The following PTK2B variants were observed in gnomAD, a reference collection of about 807,000 sequenced individuals.
PTK2B encodes protein tyrosine kinase 2 beta.
A neutral mutation model predicts 142.9 loss-of-function variants in PTK2B; 71 were observed. The observed-to-expected ratio is 0.50, with a 90% CI of 0.41 to 0.61. PTK2B has a LOEUF of 0.61. PTK2B is among the 20% of genes least tolerant of loss of function. PTK2B has a pLI of 0.00. For missense variants in PTK2B, 1,105 were observed against 1,320.4 expected (o/e 0.84, Z 2.53); for synonymous variants, 519 against 503.4 (o/e 1.03, Z -0.42).
chr8:27,390,931 A>G (rs1807679703), intron 1 of PTK2B, among the ~76,000 whole-genome samples: 1 of 152,148 alleles, frequency 6.6e-6, no homozygotes, highest in African/African-American at 2.4e-5. Flanking sequence ...CACTCACGTA[A>G]TGGCCCAGTT....
intron 1 of PTK2B, among the ~76,000 whole-genome samples, chr8:27,350,277 C>G (rs867525107): frequency 5.9e-5 from 9 of 152,250 alleles, no homozygotes; most frequent in Middle Eastern, 3.4e-3. Context: ...AGTCAAACAG[C>G]AGAGGGACAA....
At chr8:27,387,188 T>G (rs942829460) in intron 1 of PTK2B, among the ~76,000 whole-genome samples, 1 of 152,050 alleles carries the variant, frequency 6.6e-6, no homozygotes, top group Non-Finnish European at 1.5e-5. Flanking sequence ...TGGACTGTGT[T>G]TGTTGGGGTA....
chr8:27,365,299 T>C (rs1805954872), intron 1 of PTK2B, among the ~76,000 whole-genome samples: 1 of 152,232 alleles, frequency 6.6e-6, no homozygotes, highest in African/African-American at 2.4e-5. Context: ...CTCTCTCTCG[T>C]CTGCCAACCT....
intron 3 of PTK2B, among the ~76,000 whole-genome samples, chr8:27,313,834 C>T (rs917349806): frequency 6.6e-6 from 1 of 152,226 alleles, no homozygotes; most frequent in Admixed American, 6.5e-5. Flanking sequence ...TTGCCTATGC[C>T]TGGCACCTGC....
At chr8:27,368,808 G>A (rs957387801) in intron 1 of PTK2B, among the ~76,000 whole-genome samples, 2 of 152,276 alleles carry the variant, frequency 1.3e-5, no homozygotes, top group Non-Finnish European at 2.9e-5. Flanking sequence ...CTGGAGTGAC[G>A]GCAGGGCCAC....
chr8:27,388,125 T>G (rs766120255), intron 1 of PTK2B, among the ~76,000 whole-genome samples: 35 of 152,214 alleles, frequency 2.3e-4, no homozygotes, highest in Non-Finnish European at 1.6e-4. Context: ...CAACTAGGAA[T>G]TCACCTGCTA....
chr8:27,446,006 T>G, intron 24 of PTK2B, 87 bp downstream of exon 24: 2 of 1,562,806 alleles, frequency 1.3e-6, no homozygotes, highest in Non-Finnish European at 1.7e-6. Flanking sequence ...CCCCACGTCC[T>G]CAGCTCAGGA....
Position 27,327,335 on chromosome 8 carries a change from G to A in PTK2B, c.-38+1654G>A, listed in dbSNP as rs919170456. ...CTGGAGCCAGGCAGGAGACTTCCCA[G>A]CAGGAAGAGATTGCCAGATTTAGCC... On this transcript the variant is annotated intron_variant, in intron 1 of 30. Coordinates refer to ENST00000346049, the MANE Select transcript of PTK2B (RefSeq NM_173176.3). 2.6e-5 allele frequency among the ~76,000 whole-genome samples: 4 copies of A among 152,152 alleles called. No homozygotes were observed. In the East Asian group the frequency reaches 7.7e-4, roughly 29 times the overall value.
At chr8:27,379,218 T>C (rs1323999982) in intron 1 of PTK2B, among the ~76,000 whole-genome samples, 3 of 152,196 alleles carry the variant, frequency 2.0e-5, no homozygotes, top group African/African-American at 7.2e-5. Context: ...AAAGGGAACA[T>C]TTAATTTCCT....
intron 8 of PTK2B, 30 bp downstream of exon 8, chr8:27,431,046 T>C: frequency 1.3e-6 from 2 of 1,596,340 alleles, no homozygotes; most frequent in East Asian, 2.2e-5. Context: ...ATCCTCTCCC[T>C]GACCTGGATT....
intron 2 of PTK2B, among the ~76,000 whole-genome samples, chr8:27,401,493 G>A (rs963800075): frequency 6.6e-6 from 1 of 152,182 alleles, no homozygotes; most frequent in Non-Finnish European, 1.5e-5. Context: ...GTGAGTATAA[G>A]TAACATTTAA....
At chr8:27,434,232 C>T (rs12056620) in intron 12 of PTK2B, 100 bp downstream of exon 12, 566,880 of 1,445,206 alleles carry the variant, frequency 0.39, 113,458 homozygotes, top group South Asian at 0.46. Context: ...TAGTTTCTGG[C>T]TTTCAGGCCC....
intron 1 of PTK2B, among the ~76,000 whole-genome samples, chr8:27,334,945 C>T (rs894654224): frequency 3.3e-5 from 5 of 152,214 alleles, no homozygotes; most frequent in Admixed American, 2.6e-4. Flanking sequence ...TCTCTAATCT[C>T]TGTGAGTCTT....
intron 1 of PTK2B, among the ~76,000 whole-genome samples, chr8:27,330,507 A>C (rs1803681484): frequency 6.6e-6 from 1 of 152,182 alleles, no homozygotes; most frequent in Admixed American, 6.5e-5. Flanking sequence ...ACGAATGCCC[A>C]GCCGGCACTG....
At chr8:27,453,363 G>A (rs1811941261) in intron 28 of PTK2B, among the ~76,000 whole-genome samples, 1 of 152,174 alleles carries the variant, frequency 6.6e-6, no homozygotes, top group East Asian at 1.9e-4. Context: ...GCAAGAGGAA[G>A]AACCAATCTC....
intron 5 of PTK2B, among the ~76,000 whole-genome samples, chr8:27,424,194 C>T (rs1188624410): frequency 6.6e-6 from 1 of 152,158 alleles, no homozygotes; most frequent in African/African-American, 2.4e-5. Flanking sequence ...ACACCTATCA[C>T]TTGTCACCTG....
intron 18 of PTK2B, 23 bp from the exon 19 acceptor site, chr8:27,439,008 T>C: frequency 6.3e-7 from 1 of 1,595,272 alleles, no homozygotes; most frequent in Non-Finnish European, 8.6e-7. Flanking sequence ...TGCCTCATCC[T>C]GGTCTTGATG....
At chr8:27,328,721 G>T (rs937520145) in intron 1 of PTK2B, among the ~76,000 whole-genome samples, 1 of 152,142 alleles carries the variant, frequency 6.6e-6, no homozygotes, top group African/African-American at 2.4e-5. Context: ...AAAAAGACAC[G>T]TGTCATTCCC....
intron 24 of PTK2B, among the ~76,000 whole-genome samples, chr8:27,449,157 G>T (rs997714777): frequency 6.6e-6 from 1 of 152,196 alleles, no homozygotes; most frequent in African/African-American, 2.4e-5. Flanking sequence ...TGAGGTTGAG[G>T]AGCCTTGGTC....
Sources: allele counts gnomAD v4.1 joint callset (sites outside exome capture counted in the v4.1 genomes callset), GRCh38; gene constraint gnomAD v4.1.1; transcripts MANE v1.5; gene names NCBI Gene and HGNC (gene_info 2026-07-23, HGNC 2026-07-21).